TTLL12: variants seen among roughly 807,000 people sequenced by gnomAD.
The protein encoded by TTLL12 is tubulin--tyrosine ligase-like protein 12.
A neutral mutation model predicts 79.6 loss-of-function variants in TTLL12; 77 were observed. The observed-to-expected ratio is 0.97, with a 90% confidence interval of 0.81 to 1.17. The LOEUF is 1.17. Ranked by LOEUF, TTLL12 falls within the 50% of genes most tolerant of loss-of-function variation. The pLI is 0.00. For missense variants in TTLL12, 969 were observed against 895.9 expected, an observed-to-expected ratio of 1.08 and a Z score of -1.04; for synonymous variants, 437 against 376.1, an observed-to-expected ratio of 1.16 and a Z score of -1.87.
At chr22:43,180,072 C>A in intron 3 of TTLL12, 72 bp from the exon 4 acceptor site, 2 of 1,489,200 alleles carry the variant, frequency 1.3e-6, no homozygotes, top group Non-Finnish European at 1.8e-6. Context: ...GGAACCCAGA[C>A]ATCGACCACC....
chr22:43,169,669 G>A lies in TTLL12; in HGVS notation c.1576-101C>T, dbSNP rs894731423. The A allele has an allele frequency of 3.9e-6, 5 of 1,294,688 alleles. No individual in the cohort carries two copies. The African/African-American group carries it at 4.4e-5, about 11-fold the overall frequency. 80.2% of individuals were successfully genotyped at this position (1,294,688 alleles called of 1,614,324 possible). ...GGACCAGGAGCTTCTGACACTGGGT[G>A]GGGGTTCCAGGAGCAGGCAGCCAAC... On this transcript the variant is annotated intron_variant, in intron 11 of 13. Coordinates refer to ENST00000216129, the MANE Select transcript of TTLL12 (RefSeq NM_015140.4).
chr22:43,169,342 C>T (rs1003101149), intron 12 of TTLL12, among the ~76,000 whole-genome samples, 158 bp downstream of exon 12: 1 of 152,202 alleles, frequency 6.6e-6, no homozygotes, highest in Non-Finnish European at 1.5e-5. Flanking sequence ...GGAGGGGAGC[C>T]CACGCTGTCT....
At chr22:43,181,052 T>C in intron 2 of TTLL12, 112 bp from the exon 3 acceptor site, 3 of 1,225,164 alleles carry the variant, frequency 2.4e-6, no homozygotes, top group Non-Finnish European at 3.4e-6. Context: ...CTTCCTTAGA[T>C]TTGGTCTACT....
chr22:43,171,840 G>A lies in TTLL12; in HGVS notation c.1554C>T (p.Asp518=). 6.2e-7 allele frequency: 1 copy of A among 1,614,148 alleles called. No homozygotes were observed. ...CTACCTGCTTCAGCACCACATCCGGGTCATAGTTCATGACCGTGAAGTGCT... is the reference window on the plus strand; with the variant it reads ...CTACCTGCTTCAGCACCACATCCGGATCATAGTTCATGACCGTGAAGTGCT... ...YEKHFTVMNY[D]PDVVLKQVHC... The change falls in exon 11 of 14, where the codon GAC becomes GAT. Residue 518 remains aspartate (D), a synonymous_variant. Transcript: ENST00000216129.
rs150820334 is a variant in TTLL12, at chr22:43,176,599, G to A, written c.841-203C>T. Among the ~76,000 whole-genome samples, 275 of 151,992 alleles carry A rather than the reference G, an allele frequency of 1.8e-3. 3 individuals carry two copies. The highest frequency in any genetic ancestry group is 4.1e-3 in the Admixed American group (63 of 15,262). On this transcript the variant is annotated intron_variant, in intron 5 of 13. Coordinates refer to ENST00000216129, the MANE Select transcript of TTLL12 (RefSeq NM_015140.4). ...ATAAAAATTAGCCAGGCATGGTGGC[G>A]CGTGCCTGTAATTCCAGCTACTCGG...
intron 6 of TTLL12, among the ~76,000 whole-genome samples, chr22:43,175,977 T>C (rs1274212541): frequency 6.6e-6 from 1 of 151,226 alleles, no homozygotes; most frequent in Non-Finnish European, 1.5e-5. Flanking sequence ...CATGAACCAC[T>C]ATGCCTGGCC....
Position 43,172,950 on chromosome 22 carries a change from G to C in TTLL12, c.1342-396C>G, listed in dbSNP as rs564827009. On this transcript the variant is annotated intron_variant, in intron 9 of 13. Transcript: ENST00000216129. ...TGACCTCAGGTGATCCGCCCACCTT[G>C]GCCTCCCAAAGTGCTGGGATTACAG... Among the ~76,000 whole-genome samples the C allele has an allele frequency of 2.2e-3, 340 of 152,272 alleles. 1 individual carries two copies. The highest frequency in any genetic ancestry group is 8.0e-3 in the African/African-American group (331 of 41,556).
Position 43,167,123 on chromosome 22 carries a change from T to G in TTLL12, c.*885A>C. The G allele has an allele frequency of 2.0e-6, 1 of 508,724 alleles. No individual in the cohort carries two copies. Among genetic ancestry groups the G allele is most frequent in the Admixed American group, 2.0e-5 (1 of 49,100 alleles). 31.5% of individuals were successfully genotyped at this position (508,724 alleles called of 1,614,324 possible). On this transcript the variant is annotated 3_prime_UTR_variant, in exon 14 of 14. Coordinates refer to ENST00000216129, the MANE Select transcript of TTLL12 (RefSeq NM_015140.4). ...TGACTGTAGACCCTGGTAGGTGGCA[T>G]CTGACTTTAACCTGAAGTTCTCATT...
At chr22:43,176,465 C>G in intron 5 of TTLL12, 69 bp from the exon 6 acceptor site, 1 of 1,300,202 alleles carries the variant, frequency 7.7e-7, no homozygotes, top group Admixed American at 2.0e-5. Context: ...CGTGGTGGCT[C>G]ATGTCCATAA....
At chr22:43,173,635 G>A (rs1166726285) in intron 9 of TTLL12, 80 bp downstream of exon 9, 5 of 1,375,400 alleles carry the variant, frequency 3.6e-6, no homozygotes, top group Middle Eastern at 1.8e-4. Context: ...TAAGGACCAT[G>A]ATGCTCGGTC....
In TTLL12 at chr22:43,173,680, C is replaced by A. The variant is rs765229997; in HGVS notation, c.1341+35G>T. On this transcript the variant is annotated intron_variant, in intron 9 of 13. Transcript: ENST00000216129. ...CCACCTCTCACTGTCCAGCCAGGGC[C>A]CTGAGCCCTGGGGCTCCTGGTCTGC... 5 of 1,579,616 alleles carry A rather than the reference C, an allele frequency of 3.2e-6. No individual in the cohort carries two copies. In the South Asian group the frequency reaches 5.5e-5, roughly 17 times the overall value.
At chr22:43,186,214 G>C (rs1466436203) in intron 1 of TTLL12, among the ~76,000 whole-genome samples, 1 of 147,008 alleles carries the variant, frequency 6.8e-6, no homozygotes, top group East Asian at 2.0e-4. Flanking sequence ...AGCCCGGGAA[G>C]GTGCTGTGGC....
chr22:43,168,805 G>A lies in TTLL12; in HGVS notation c.1752C>T (p.Asp584=), dbSNP rs1477457880. The change falls in exon 13 of 14, where the codon GAC becomes GAT. Residue 584 remains aspartate (D), a synonymous_variant. Coordinates refer to ENST00000216129, the MANE Select transcript of TTLL12 (RefSeq NM_015140.4). ...YPSSRAMYAV[D]LMLKWDNGPD... ...GGCCGTTGTCCCACTTCAGCATGAGGTCGACGGCATACATGGCCCGGGATG... is the reference window on the plus strand; with the variant it reads ...GGCCGTTGTCCCACTTCAGCATGAGATCGACGGCATACATGGCCCGGGATG... 1.3e-6 allele frequency: 2 copies of A among 1,573,912 alleles called. No individual in the cohort carries two copies. The highest frequency in any genetic ancestry group is 4.7e-5 in the East Asian group (2 of 42,522).
chr22:43,182,498 G>T lies in TTLL12; in HGVS notation c.347+482C>A, dbSNP rs960223376. Among the ~76,000 whole-genome samples, 5 of 152,338 alleles carry T rather than the reference G, an allele frequency of 3.3e-5. No individual in the cohort carries two copies. In the South Asian group the frequency reaches 8.3e-4, roughly 25 times the overall value. ...GGGATAGCCACTCTTGGTCCCTGGGGGCAGGAAGCCTGGGGTACAGTCTCA... is the reference window on the plus strand; with the variant it reads ...GGGATAGCCACTCTTGGTCCCTGGGTGCAGGAAGCCTGGGGTACAGTCTCA... On this transcript the variant is annotated intron_variant, in intron 2 of 13. Transcript: ENST00000216129.
intron 1 of TTLL12, among the ~76,000 whole-genome samples, chr22:43,186,617 G>C (rs1202335311): frequency 6.6e-6 from 1 of 152,190 alleles, no homozygotes; most frequent in East Asian, 1.9e-4. Context: ...ACTCCTCGCA[G>C]GGCTGTGTCA....
In TTLL12 at chr22:43,176,134, G is replaced by C. The variant is rs568705675; in HGVS notation, c.917+186C>G. On this transcript the variant is annotated intron_variant, in intron 6 of 13. Coordinates refer to ENST00000216129, the MANE Select transcript of TTLL12 (RefSeq NM_015140.4). ...CCCTGCTCGCTCTCTCACTTTCTGCGGCATTTTCTCTGGGGTCCCAAGAAC... is the reference window on the plus strand; with the variant it reads ...CCCTGCTCGCTCTCTCACTTTCTGCCGCATTTTCTCTGGGGTCCCAAGAAC... Among the ~76,000 whole-genome samples the C allele has an allele frequency of 1.1e-4, 17 of 151,992 alleles. No homozygotes were observed. The South Asian group carries it at 3.5e-3, about 32-fold the overall frequency.
chr22:43,172,271 G>A (rs550869476), intron 10 of TTLL12, 132 bp downstream of exon 10: 10 of 1,143,682 alleles, frequency 8.7e-6, no homozygotes, highest in African/African-American at 7.7e-5. Context: ...TCCAAGGGCC[G>A]CTAGCTGGGT....
Position 43,179,748 on chromosome 22 carries a change from C to A in TTLL12, c.711G>T (p.Glu237Asp). ...WPLRDLDTGEEVTRDFAYGET... is the reference protein window; with the variant it reads ...WPLRDLDTGEDVTRDFAYGET... Reference sequence around the variant, plus strand: ...CTCCGTAGGCAAAGTCTCGGGTCACCTCCTCTGTGCCAAGACATGAGTGCC... The same window carrying A: ...CTCCGTAGGCAAAGTCTCGGGTCACATCCTCTGTGCCAAGACATGAGTGCC... The change falls in exon 5 of 14, where the codon GAG becomes GAT. Residue 237 changes from glutamate to aspartate, a missense_variant. Physicochemically the swap from Glu to Asp is conservative, Grantham distance 45 (BLOSUM62 2). Coordinates refer to ENST00000216129, the MANE Select transcript of TTLL12 (RefSeq NM_015140.4). 1 of 1,561,150 alleles carries A rather than the reference C, an allele frequency of 6.4e-7. No individual in the cohort carries two copies. The highest frequency in any genetic ancestry group is 8.7e-7 in the Non-Finnish European group (1 of 1,151,954).
chr22:43,169,737 T>C (rs1239858144), intron 11 of TTLL12, 169 bp from the exon 12 acceptor site: 1 of 698,078 alleles, frequency 1.4e-6, no homozygotes, highest in Admixed American at 2.0e-5. Context: ...AGATGGAGTC[T>C]GGGCTCCAGG....
Sources: allele counts gnomAD v4.1 joint callset (sites outside exome capture counted in the v4.1 genomes callset), GRCh38; gene constraint gnomAD v4.1.1; transcripts MANE v1.5; gene names NCBI Gene and HGNC (gene_info 2026-07-23, HGNC 2026-07-21).